Variants in PRKCE observed in about 807,000 individuals in gnomAD.
The protein encoded by PRKCE is protein kinase C epsilon type.
In PRKCE, 16 loss-of-function variants were observed where a neutral mutation model predicts 85.4. That is an observed-to-expected ratio of 0.19 (90% confidence interval 0.13 to 0.28). The LOEUF is 0.28. Ranked by LOEUF, PRKCE falls within the 10% of genes least tolerant of loss-of-function variation. The probability of loss-of-function intolerance (pLI) is 1.00; values close to 1 mark genes in which losing one functional copy is unlikely to be tolerated. For synonymous variants in PRKCE, 388 were observed against 371.5 expected, an observed-to-expected ratio of 1.04 and a Z score of -0.51; for missense variants, 573 against 975.2, an observed-to-expected ratio of 0.59 and a Z score of 5.49.
At chr2:45,756,423 A>G (rs1573221808) in intron 1 of PRKCE, among the ~76,000 whole-genome samples, 1 of 152,190 alleles carries the variant, frequency 6.6e-6, no homozygotes, top group East Asian at 1.9e-4. Context: ...TCTCTGGAAA[A>G]CATTTTGCAA....
chr2:45,664,386 G>A (rs1675816857), intron 1 of PRKCE, among the ~76,000 whole-genome samples: 1 of 152,226 alleles, frequency 6.6e-6, no homozygotes, highest in African/African-American at 2.4e-5. Context: ...CTTATAGCAA[G>A]TTTGCGATCA....
chr2:45,960,969 G>A (rs529281914), intron 2 of PRKCE, among the ~76,000 whole-genome samples: 3 of 152,342 alleles, frequency 2.0e-5, no homozygotes, highest in South Asian at 2.1e-4. Context: ...AGGGTTGAAA[G>A]CCTGGCACTA....
intron 1 of PRKCE, among the ~76,000 whole-genome samples, chr2:45,690,000 G>A (rs1677605822): frequency 6.6e-6 from 1 of 151,654 alleles, no homozygotes. Flanking sequence ...GAAATACTCT[G>A]TGCATTCTAT....
At chr2:45,793,878 T>G (rs900474815) in intron 1 of PRKCE, among the ~76,000 whole-genome samples, 4 of 152,206 alleles carry the variant, frequency 2.6e-5, no homozygotes, top group Admixed American at 6.5e-5. Flanking sequence ...CAAAGGACTC[T>G]GAGTCATGAG....
rs184446398 is a variant in PRKCE, at chr2:46,095,887, T to G, written c.1592+9525T>G. Among the ~76,000 whole-genome samples the G allele has an allele frequency of 5.3e-5, 8 of 152,304 alleles. No individual in the cohort carries two copies. In the East Asian group the frequency reaches 1.5e-3, roughly 29 times the overall value. On this transcript the variant is annotated intron_variant, in intron 11 of 14. Transcript: ENST00000306156. ...TAATAGCAAAACACTTATTTAGCCT[T>G]TGTGTAGCCAGACACTATTCTAAAC...
At chr2:46,026,009 G>A (rs866546404) in intron 10 of PRKCE, among the ~76,000 whole-genome samples, 2 of 152,210 alleles carry the variant, frequency 1.3e-5, no homozygotes, top group African/African-American at 4.8e-5. Context: ...CCTTCCAAAA[G>A]CTGAAAATGA....
At chr2:46,088,510 A>G (rs1353073491) in intron 11 of PRKCE, among the ~76,000 whole-genome samples, 4 of 152,166 alleles carry the variant, frequency 2.6e-5, no homozygotes, top group Admixed American at 1.3e-4. Context: ...ATCCTTCACT[A>G]AGTTTCAAAC....
At chr2:45,795,832 C>T (rs1364144986) in intron 1 of PRKCE, among the ~76,000 whole-genome samples, 1 of 152,148 alleles carries the variant, frequency 6.6e-6, no homozygotes, top group Non-Finnish European at 1.5e-5. Context: ...CAGAGCTCGG[C>T]AATGCTGTGA....
intron 2 of PRKCE, among the ~76,000 whole-genome samples, chr2:45,914,286 G>T (rs1413327326): frequency 6.6e-6 from 1 of 152,234 alleles, no homozygotes; most frequent in African/African-American, 2.4e-5. Context: ...TAGCTAATAA[G>T]ATGGGTGGAC....
chr2:45,884,954 C>CACATATAT (rs1695139583), intron 2 of PRKCE, among the ~76,000 whole-genome samples: 1 of 37,552 alleles, frequency 2.7e-5, no homozygotes, highest in Non-Finnish European at 4.8e-5. Flanking sequence ...ATATGTGATC[C>CACATATAT]ATATATATAT....
At chr2:45,887,459 A>G (rs1207161713) in intron 2 of PRKCE, among the ~76,000 whole-genome samples, 1 of 152,096 alleles carries the variant, frequency 6.6e-6, no homozygotes, top group Non-Finnish European at 1.5e-5. Flanking sequence ...TGGCTTATAG[A>G]ACTATGAAGA....
chr2:45,946,953 T>G (rs1204801320), intron 2 of PRKCE, among the ~76,000 whole-genome samples: 1 of 152,248 alleles, frequency 6.6e-6, no homozygotes, highest in Non-Finnish European at 1.5e-5. Flanking sequence ...GCAAACCCAG[T>G]AGACCTAGAC....
chr2:45,726,952 G>A (rs563496617), intron 1 of PRKCE, among the ~76,000 whole-genome samples: 1 of 152,140 alleles, frequency 6.6e-6, no homozygotes, highest in Non-Finnish European at 1.5e-5. Context: ...TTTCCTCATG[G>A]GAAATAAGAT....
intron 5 of PRKCE, among the ~76,000 whole-genome samples, chr2:45,982,145 C>G (rs904114774): frequency 4.6e-5 from 7 of 152,212 alleles, no homozygotes; most frequent in African/African-American, 1.4e-4. Context: ...AGTCCTGGCT[C>G]TCCCCGCCAC....
At chr2:45,738,796 T>C (rs1284652058) in intron 1 of PRKCE, among the ~76,000 whole-genome samples, 1 of 152,236 alleles carries the variant, frequency 6.6e-6, no homozygotes, top group African/African-American at 2.4e-5. Context: ...AAGTACAGGA[T>C]TGGAAAGCAT....
At chr2:45,703,569 A>C (rs1266013472) in intron 1 of PRKCE, among the ~76,000 whole-genome samples, 1 of 152,060 alleles carries the variant, frequency 6.6e-6, no homozygotes, top group East Asian at 1.9e-4. Flanking sequence ...AAGAAAAGAA[A>C]AAAAAAGGAA....
At chr2:46,071,094 G>A (rs551739655) in intron 10 of PRKCE, among the ~76,000 whole-genome samples, 1 of 152,260 alleles carries the variant, frequency 6.6e-6, no homozygotes, top group African/African-American at 2.4e-5. Flanking sequence ...ATGTCCTCAT[G>A]GCTTTCCTGC....
chr2:45,652,896 G>A lies in PRKCE; in HGVS notation c.348+448G>A, dbSNP rs780790846. ...CTGGCTTTGTCCTGCTTAGCCGAGC[G>A]AGGAGTTGCTTTATTTTTCCCTCCG... On this transcript the variant is annotated intron_variant, in intron 1 of 14. Transcript: ENST00000306156. The surrounding 1 kb of genome is among the most constrained non-coding windows in gnomAD (Gnocchi z 7.7). Among the ~76,000 whole-genome samples, 36 of 152,170 alleles carry A rather than the reference G, an allele frequency of 2.4e-4. No individual in the cohort carries two copies. Among genetic ancestry groups the A allele is most frequent in the Non-Finnish European group, 7.3e-5 (5 of 68,032 alleles).
chr2:45,713,296 C>T (rs1417936338), intron 1 of PRKCE, among the ~76,000 whole-genome samples: 7 of 152,206 alleles, frequency 4.6e-5, no homozygotes, highest in African/African-American at 1.7e-4. Context: ...GGAAGAGCCA[C>T]AGGAGAGCAT....
Sources: gnomAD v4.1 joint callset for allele counts (sites outside exome capture counted in the v4.1 genomes callset) on GRCh38, gnomAD v4.1.1 for gene constraint, Gnocchi (gnomAD v3.1) non-coding constraint, MANE v1.5 for transcripts, NCBI Gene and HGNC (gene_info 2026-07-23, HGNC 2026-07-21) for gene names.